CSMD3: variants seen among roughly 807,000 people sequenced by gnomAD.
CSMD3 encodes the protein CUB and sushi domain-containing protein 3.
Under a neutral mutation model 435.2 loss-of-function variants are expected in CSMD3, and 177 were observed. That is an observed-to-expected ratio of 0.41 (90% CI 0.36 to 0.46). The LOEUF is 0.46. Ranked by LOEUF, CSMD3 falls within the 20% of genes least tolerant of loss-of-function variation. The pLI, the probability that CSMD3 is intolerant of heterozygous loss-of-function variation, is 0.34. For synonymous variants in CSMD3, 1,656 were observed against 1,520.5 expected, an observed-to-expected ratio of 1.09 and a Z score of -2.07; for missense variants, 4,265 against 4,504.6, an observed-to-expected ratio of 0.95 and a Z score of 1.52.
At chr8:112,686,364 A>C (rs139943248) in intron 14 of CSMD3, among the ~76,000 whole-genome samples, 2 of 152,346 alleles carry the variant, frequency 1.3e-5, no homozygotes, top group East Asian at 3.9e-4. Context: ...TGTGATTTGA[A>C]AGTTCACATA....
intron 32 of CSMD3, among the ~76,000 whole-genome samples, chr8:112,470,199 T>C (rs1470764258): frequency 6.6e-6 from 1 of 152,234 alleles, no homozygotes; most frequent in African/African-American, 2.4e-5. Flanking sequence ...ATATTTGTTT[T>C]CATGCTTTAA....
chr8:113,280,956 G>T (rs2093608763), intron 2 of CSMD3, among the ~76,000 whole-genome samples: 1 of 151,896 alleles, frequency 6.6e-6, no homozygotes, highest in Non-Finnish European at 1.5e-5. Context: ...CCATGTATTT[G>T]CATGGTATTG....
intron 38 of CSMD3, among the ~76,000 whole-genome samples, chr8:112,355,730 G>A (rs1169167834): frequency 6.6e-6 from 1 of 152,104 alleles, no homozygotes; most frequent in Non-Finnish European, 1.5e-5. Context: ...CTACTCGGGA[G>A]GCTGAGGCAG....
At chr8:112,415,385 T>C (rs1811797755) in intron 32 of CSMD3, among the ~76,000 whole-genome samples, 1 of 152,226 alleles carries the variant, frequency 6.6e-6, no homozygotes, top group South Asian at 2.1e-4. Context: ...AGTCAAGAAC[T>C]GAGGTTTGGG....
At chr8:113,057,254 G>GC (rs1342212506) in intron 5 of CSMD3, among the ~76,000 whole-genome samples, 1 of 152,042 alleles carries the variant, frequency 6.6e-6, no homozygotes, top group African/African-American at 2.4e-5. Context: ...AATTTCAGAA[G>GC]CCCTGGCCTT....
intron 12 of CSMD3, among the ~76,000 whole-genome samples, chr8:112,815,266 G>A (rs1410345257): frequency 1.3e-5 from 2 of 152,178 alleles, no homozygotes; most frequent in East Asian, 3.9e-4. Flanking sequence ...AATAATTGTT[G>A]TTTTAACTTT....
intron 12 of CSMD3, among the ~76,000 whole-genome samples, chr8:112,806,087 A>G (rs2079078930): frequency 6.6e-6 from 1 of 151,096 alleles, no homozygotes. Context: ...AAAAAAAACT[A>G]TTTTGAGGAC....
intron 1 of CSMD3, among the ~76,000 whole-genome samples, chr8:113,408,973 C>A (rs970206958): frequency 6.6e-6 from 1 of 151,202 alleles, no homozygotes; most frequent in African/African-American, 2.4e-5. Context: ...CCAGCCTATA[C>A]AGAAAATTTT....
chr8:113,061,519 T>C (rs940297732), intron 5 of CSMD3, among the ~76,000 whole-genome samples: 2 of 152,112 alleles, frequency 1.3e-5, no homozygotes, highest in Non-Finnish European at 1.5e-5. Context: ...AATGGCCTGA[T>C]GTTTTCATGT....
At chr8:113,422,688 A>G (rs1195254727) in intron 1 of CSMD3, among the ~76,000 whole-genome samples, 1 of 152,132 alleles carries the variant, frequency 6.6e-6, no homozygotes, top group Non-Finnish European at 1.5e-5. Flanking sequence ...AAACAAACAA[A>G]GAAACAAACA....
At chr8:112,404,178 T>A (rs763456572) in intron 35 of CSMD3, among the ~76,000 whole-genome samples, 19 of 152,122 alleles carry the variant, frequency 1.2e-4, no homozygotes, top group Admixed American at 3.9e-4. Context: ...GTTGACAATG[T>A]CCTGATTTAA....
intron 1 of CSMD3, among the ~76,000 whole-genome samples, chr8:113,390,236 A>C (rs2094455959): frequency 6.6e-6 from 1 of 151,778 alleles, no homozygotes; most frequent in South Asian, 2.1e-4. Flanking sequence ...TATCCTCTGA[A>C]TCTTACATCT....
intron 53 of CSMD3, among the ~76,000 whole-genome samples, chr8:112,297,093 AC>A (rs1261209094): frequency 6.6e-6 from 1 of 150,762 alleles, no homozygotes; most frequent in Non-Finnish European, 1.5e-5. Flanking sequence ...GAATTCTTAA[AC>A]AAAAACCTTC....
intron 4 of CSMD3, among the ~76,000 whole-genome samples, chr8:113,138,094 G>A: frequency 6.6e-6 from 1 of 150,662 alleles, no homozygotes; most frequent in Non-Finnish European, 1.5e-5. Context: ...TTTTTCTTTG[G>A]CAAAATCATA....
intron 4 of CSMD3, among the ~76,000 whole-genome samples, chr8:113,123,346 T>C (rs2091037547): frequency 6.6e-6 from 1 of 152,238 alleles, no homozygotes; most frequent in Admixed American, 6.5e-5. Flanking sequence ...TTGAAAATTA[T>C]GCTTTATCAA....
At chr8:112,581,799 G>A (rs903251496) in intron 23 of CSMD3, among the ~76,000 whole-genome samples, 1 of 152,002 alleles carries the variant, frequency 6.6e-6, no homozygotes, top group Non-Finnish European at 1.5e-5. Context: ...TCAGTGCTAT[G>A]AAGAAGAATA....
chr8:113,124,477 C>A (rs2091070542), intron 4 of CSMD3, among the ~76,000 whole-genome samples: 1 of 102,138 alleles, frequency 9.8e-6, no homozygotes, highest in Non-Finnish European at 1.8e-5. Context: ...CTTAAATAAA[C>A]CTTGTGGGAA....
chr8:113,138,447 A>C (rs367842579), intron 4 of CSMD3, among the ~76,000 whole-genome samples: 261 of 151,634 alleles, frequency 1.7e-3, no homozygotes, highest in African/African-American at 5.8e-3. Context: ...TTCTCATCAA[A>C]TAAGTCAATA....
At chr8:112,467,760 G>A (rs1181341576) in intron 32 of CSMD3, among the ~76,000 whole-genome samples, 2 of 152,066 alleles carry the variant, frequency 1.3e-5, no homozygotes, top group Non-Finnish European at 2.9e-5. Context: ...TAGGAGAAAC[G>A]GTCTTGTGAA....
Sources: gnomAD v4.1 joint callset for allele counts (sites outside exome capture counted in the v4.1 genomes callset) on GRCh38, gnomAD v4.1.1 for gene constraint, MANE v1.5 for transcripts, NCBI Gene and HGNC (gene_info 2026-07-23, HGNC 2026-07-21) for gene names.